The following LARGE1 variants were observed in gnomAD, a reference collection of about 807,000 sequenced individuals.
LARGE1 encodes LARGE xylosyl- and glucuronyltransferase 1.
LARGE1 carries 43 observed loss-of-function variants against 87.6 expected under a neutral mutation model. That is an observed-to-expected ratio of 0.49 (90% CI 0.38 to 0.63). LARGE1 has a LOEUF of 0.63. Among genes scored for constraint, LARGE1 ranks in the 30% least tolerant of loss-of-function variants. The pLI is 0.00. For synonymous variants in LARGE1, 434 were observed against 394.6 expected (o/e 1.10, Z -1.18); for missense variants, 802 against 1,000.2 (o/e 0.80, Z 2.67).
At chr22:33,470,853 G>A (rs1188016068) in intron 6 of LARGE1, among the ~76,000 whole-genome samples, 2 of 152,194 alleles carry the variant, frequency 1.3e-5, no homozygotes, top group African/African-American at 4.8e-5. Flanking sequence ...GAATCTGAGA[G>A]AGCTATTTTA....
chr22:33,154,339 C>G, the LARGE1 span, among the ~76,000 whole-genome samples: 3 of 152,154 alleles, frequency 2.0e-5, no homozygotes, highest in African/African-American at 7.2e-5. Context: ...CTTCCAGGTT[C>G]AGGCGATTCT....
chr22:33,347,056 T>A (rs1311147336), intron 9 of LARGE1, among the ~76,000 whole-genome samples: 1 of 152,240 alleles, frequency 6.6e-6, no homozygotes, highest in East Asian at 1.9e-4. Context: ...TATGAGCCAG[T>A]GTCTGTGTTT....
chr22:33,264,791 T>C (rs900386106), intron 11 of LARGE1, among the ~76,000 whole-genome samples: 3 of 151,536 alleles, frequency 2.0e-5, no homozygotes, highest in Non-Finnish European at 4.4e-5. Context: ...ACCTTATCAC[T>C]GGGCGCTGTC....
intron 2 of LARGE1, among the ~76,000 whole-genome samples, chr22:33,729,146 C>A (rs1310437664): frequency 6.6e-6 from 1 of 152,082 alleles, no homozygotes; most frequent in African/African-American, 2.4e-5. Flanking sequence ...TTCCTGCCCT[C>A]CCCCAAAATG....
In LARGE1 at chr22:33,274,156, C is replaced by T; in HGVS notation, c.*271G>A. 1 of 573,540 alleles carries T rather than the reference C, an allele frequency of 1.7e-6. No individual in the cohort carries two copies. Among genetic ancestry groups the T allele is most frequent in the South Asian group, 2.0e-5 (1 of 49,622 alleles). The allele number at this position is 573,540 out of a possible 1,614,324, so 35.5% of individuals were successfully genotyped here. On this transcript the variant is annotated 3_prime_UTR_variant, in exon 15 of 15. Coordinates refer to ENST00000397394, the MANE Select transcript of LARGE1 (RefSeq NM_133642.5). Reference sequence around the variant, plus strand: ...GCAGTAAGATGATAACCCTTTTACTCCCTGTCACCCCTTGATTTCCCATTC... The same window carrying T: ...GCAGTAAGATGATAACCCTTTTACTTCCTGTCACCCCTTGATTTCCCATTC...
At chr22:33,604,682 A>G (rs555389974) in intron 4 of LARGE1, 124 bp from the exon 5 acceptor site, 212 of 1,298,672 alleles carry the variant, frequency 1.6e-4, no homozygotes, top group Admixed American at 1.7e-4. Flanking sequence ...TGTGAAAGTA[A>G]ATCTGGAATG....
intron 8 of LARGE1, among the ~76,000 whole-genome samples, chr22:33,382,831 G>A (rs975380875): frequency 9.2e-5 from 14 of 152,204 alleles, no homozygotes; most frequent in Non-Finnish European, 1.5e-4. Context: ...GCTGGTGGAC[G>A]ATTTTCCCCT....
At chr22:33,579,210 T>A (rs2148861314) in intron 5 of LARGE1, among the ~76,000 whole-genome samples, 1 of 152,270 alleles carries the variant, frequency 6.6e-6, no homozygotes, top group East Asian at 1.9e-4. Context: ...GTGCTGTTCT[T>A]GTGACAGTGA....
intron 6 of LARGE1, among the ~76,000 whole-genome samples, chr22:33,474,840 C>G (rs1329042883): frequency 6.6e-6 from 1 of 152,160 alleles, no homozygotes; most frequent in Non-Finnish European, 1.5e-5. Flanking sequence ...CAGCTGTCAG[C>G]AAGATGGCAA....
chr22:33,534,342 T>C (rs2076982048), intron 6 of LARGE1, among the ~76,000 whole-genome samples: 1 of 151,780 alleles, frequency 6.6e-6, no homozygotes, highest in African/African-American at 2.4e-5. Context: ...AGGCGGAGCT[T>C]GCAGTGAGCG....
At chr22:33,646,202 T>C (rs527955360) in intron 3 of LARGE1, among the ~76,000 whole-genome samples, 4 of 152,242 alleles carry the variant, frequency 2.6e-5, no homozygotes, top group South Asian at 4.2e-4. Context: ...CCATCAATGA[T>C]AGACTGGATA....
chr22:33,773,339 G>A (rs553050002), intron 1 of LARGE1, among the ~76,000 whole-genome samples: 2 of 152,264 alleles, frequency 1.3e-5, no homozygotes, highest in Admixed American at 6.5e-5. Flanking sequence ...TGAAAATTTC[G>A]AGTTCACTAT....
At chr22:33,281,399 A>G (rs1930417764) in intron 13 of LARGE1, among the ~76,000 whole-genome samples, 1 of 152,148 alleles carries the variant, frequency 6.6e-6, no homozygotes, top group South Asian at 2.1e-4. Context: ...GTTAAAAAAA[A>G]AAAAATTCAG....
rs2080759712 is a variant in LARGE1 at position 33,650,421 on chromosome 22, G to C, written c.354C>G (p.Ile118Met). ...TGDSENLRAG[I>M]VAGNSSECGQ... ...CACACTCGGAGCTGTTGCCTGCCAC[G>C]ATGCCAGCCCGAAGGTTCTCGCTGT... The change falls in exon 3 of 15, where the codon ATC (isoleucine) becomes ATG (methionine). Residue 118 changes from isoleucine to methionine, a missense_variant. Coordinates refer to ENST00000397394, the MANE Select transcript of LARGE1 (RefSeq NM_133642.5). The C allele has an allele frequency of 6.2e-7, 1 of 1,613,988 alleles. No homozygotes were observed. Among genetic ancestry groups the C allele is most frequent in the Admixed American group, 1.7e-5 (1 of 60,008 alleles).
At chr22:33,838,549 G>A (rs2063176683) in intron 1 of LARGE1, among the ~76,000 whole-genome samples, 1 of 152,186 alleles carries the variant, frequency 6.6e-6, no homozygotes, top group African/African-American at 2.4e-5. Context: ...TGAGGCAGGA[G>A]GATCACTTGA....
intron 7 of LARGE1, among the ~76,000 whole-genome samples, chr22:33,428,489 A>G (rs1181087521): frequency 2.0e-5 from 3 of 150,734 alleles, no homozygotes; most frequent in African/African-American, 7.3e-5. Flanking sequence ...AATTTTTTGT[A>G]TTTTTAGTAG....
intron 1 of LARGE1, among the ~76,000 whole-genome samples, chr22:33,795,538 C>A (rs531978961): frequency 2.0e-5 from 3 of 152,220 alleles, no homozygotes; most frequent in African/African-American, 7.2e-5. Context: ...ATAAATCATG[C>A]TGCTATAAAG....
intron 4 of LARGE1, among the ~76,000 whole-genome samples, chr22:33,620,088 G>A (rs2149048665): frequency 6.6e-6 from 1 of 152,248 alleles, no homozygotes; most frequent in East Asian, 1.9e-4. Flanking sequence ...GCCTGAATAA[G>A]GGATAAGACA....
At position 33,341,331 on chromosome 22, in the gene LARGE1, A is replaced by C. The variant is rs1470205616; in HGVS notation, c.1132-3530T>G. 5.3e-5 allele frequency among the ~76,000 whole-genome samples: 8 copies of C among 151,922 alleles called. No individual in the cohort carries two copies. In the East Asian group the frequency reaches 1.6e-3, roughly 29 times the overall value. On this transcript the variant is annotated intron_variant, in intron 9 of 14. Coordinates refer to ENST00000397394, the MANE Select transcript of LARGE1 (RefSeq NM_133642.5). ...ACTTCCCAGCCTCCAGAAACTGAGA[A>C]ATAAACATCAAGCAGCCAGACTGGA... is the stretch of plus-strand genomic sequence containing the variant.
Sources: gnomAD v4.1 joint callset for allele counts (sites outside exome capture counted in the v4.1 genomes callset) on GRCh38, gnomAD v4.1.1 for gene constraint, MANE v1.5 for transcripts, NCBI Gene and HGNC (gene_info 2026-07-23, HGNC 2026-07-21) for gene names.